The following COL25A1 variants were observed in gnomAD, a reference collection of about 807,000 sequenced individuals.
COL25A1 encodes collagen type XXV alpha 1 chain, also known as collagen alpha-1(XXV) chain.
A neutral mutation model predicts 128.4 loss-of-function variants in COL25A1; 103 were observed. That is an observed-to-expected ratio of 0.80 (90% CI 0.68 to 0.94). COL25A1 has a LOEUF of 0.94. Among genes scored for constraint, COL25A1 ranks in the 40% least tolerant of loss-of-function variants. COL25A1 has a pLI of 0.00. For synonymous variants in COL25A1, 279 were observed against 277.2 expected (o/e 1.01, Z -0.06); for missense variants, 745 against 840.0 (o/e 0.89, Z 1.40).
chr4:109,015,991 G>A (rs1463191378), intron 5 of COL25A1, among the ~76,000 whole-genome samples: 1 of 152,196 alleles, frequency 6.6e-6, no homozygotes, highest in Non-Finnish European at 1.5e-5. Context: ...GACAGGAAGA[G>A]GCAGGATCCC....
At chr4:108,970,322 A>T (rs972108743) in intron 8 of COL25A1, among the ~76,000 whole-genome samples, 5 of 152,194 alleles carry the variant, frequency 3.3e-5, no homozygotes, top group Non-Finnish European at 7.3e-5. Context: ...GACATTCAAA[A>T]TGCTCCATAA....
At chr4:108,848,426 T>A (rs1735361933) in intron 27 of COL25A1, among the ~76,000 whole-genome samples, 1 of 152,200 alleles carries the variant, frequency 6.6e-6, no homozygotes, top group Non-Finnish European at 1.5e-5. Flanking sequence ...TGGTCACTGA[T>A]TTTAATCTTG....
At position 109,079,535 on chromosome 4, in the gene COL25A1, T is replaced by C. The variant is rs185983365; in HGVS notation, c.368-29356A>G. Among the ~76,000 whole-genome samples the C allele has an allele frequency of 1.9e-4, 29 of 152,272 alleles. No homozygotes were observed. The East Asian group carries it at 5.0e-3, about 26-fold the overall frequency. The stretch of plus-strand genomic sequence containing the variant: ...CCTTATCCAGGTGAGGATTTCAGTA[T>C]GTACACAGAGATATACAAACACCTA... On this transcript the variant is annotated intron_variant, in intron 3 of 37. Transcript: ENST00000399132.
intron 3 of COL25A1, among the ~76,000 whole-genome samples, chr4:109,125,348 C>T (rs908163441): frequency 6.6e-6 from 1 of 152,068 alleles, no homozygotes; most frequent in Non-Finnish European, 1.5e-5. Flanking sequence ...GGGCAAATAG[C>T]CTTCTCAGGA....
chr4:108,832,973 T>TAATAAATAAATAAATAAATACATA (rs1553944787), intron 31 of COL25A1, among the ~76,000 whole-genome samples: 95 of 106,162 alleles, frequency 8.9e-4, no homozygotes, highest in African/African-American at 2.5e-3. Flanking sequence ...TCTCAAAAAA[T>TAATAAATAAATAAATAAATACATA]AATAAATAAA....
intron 3 of COL25A1, among the ~76,000 whole-genome samples, chr4:109,220,782 T>C (rs1183645905): frequency 2.0e-5 from 3 of 152,180 alleles, no homozygotes; most frequent in Non-Finnish European, 2.9e-5. Context: ...TTCTTTTTAG[T>C]ACTCAAACAT....
intron 3 of COL25A1, among the ~76,000 whole-genome samples, chr4:109,300,105 A>G (rs1725359881): frequency 6.6e-6 from 1 of 151,930 alleles, no homozygotes; most frequent in Non-Finnish European, 1.5e-5. Flanking sequence ...AATCTTTTTA[A>G]TAGAACAGAA....
chr4:108,892,827 G>GGCT (rs1172410691), intron 16 of COL25A1, among the ~76,000 whole-genome samples: 4 of 152,154 alleles, frequency 2.6e-5, no homozygotes, highest in Non-Finnish European at 5.9e-5. Context: ...GGAGACTGAA[G>GGCT]GCTGCTCCAG....
At chr4:109,092,717 GAC>G (rs1311174480) in intron 3 of COL25A1, among the ~76,000 whole-genome samples, 1 of 152,134 alleles carries the variant, frequency 6.6e-6, no homozygotes. Flanking sequence ...GAAGGCAAGT[GAC>G]AATGTCTACA....
intron 6 of COL25A1, among the ~76,000 whole-genome samples, chr4:109,006,561 A>G (rs1488224074): frequency 6.6e-6 from 1 of 151,700 alleles, no homozygotes; most frequent in African/African-American, 2.4e-5. Flanking sequence ...TTTTAAATGC[A>G]TATTACTTAT....
chr4:108,966,647 C>T (rs1289206417), intron 8 of COL25A1, among the ~76,000 whole-genome samples: 2 of 151,890 alleles, frequency 1.3e-5, no homozygotes, highest in Non-Finnish European at 2.9e-5. Flanking sequence ...TCCAGGAGTT[C>T]GAGGCCAGCC....
At chr4:109,008,755 GCA>G (rs755296346) in intron 6 of COL25A1, among the ~76,000 whole-genome samples, 22 of 40,842 alleles carry the variant, frequency 5.4e-4, no homozygotes, top group East Asian at 2.1e-3. Context: ...ACATGCGCGC[GCA>G]CACACACACA....
chr4:109,083,747 G>A (rs1432280924), intron 3 of COL25A1, among the ~76,000 whole-genome samples: 1 of 152,006 alleles, frequency 6.6e-6, no homozygotes, highest in Non-Finnish European at 1.5e-5. Context: ...TTACAGGCGT[G>A]AGCCACCGCG....
At chr4:108,832,017 T>A (rs1480252748) in intron 32 of COL25A1, among the ~76,000 whole-genome samples, 1 of 151,378 alleles carries the variant, frequency 6.6e-6, no homozygotes, top group South Asian at 2.1e-4. Context: ...AGTAGCTTTA[T>A]ATAAAAGATT....
chr4:109,076,616 G>C (rs1262276850), intron 3 of COL25A1, among the ~76,000 whole-genome samples: 1 of 152,008 alleles, frequency 6.6e-6, no homozygotes, highest in Non-Finnish European at 1.5e-5. Context: ...GGGTGGTTTG[G>C]GGATGATTCA....
chr4:109,177,814 TA>T (rs897946966), intron 3 of COL25A1, among the ~76,000 whole-genome samples: 1 of 152,222 alleles, frequency 6.6e-6, no homozygotes, highest in African/African-American at 2.4e-5. Flanking sequence ...TAGCTCCAGT[TA>T]AATTTGCGTT....
chr4:109,058,486 G>A (rs958772530), intron 3 of COL25A1, among the ~76,000 whole-genome samples: 23 of 151,932 alleles, frequency 1.5e-4, no homozygotes, highest in Non-Finnish European at 3.1e-4. Context: ...GTTTCTAATG[G>A]AACTGAGAGT....
chr4:109,143,487 T>C (rs990370978), intron 3 of COL25A1, among the ~76,000 whole-genome samples: 2 of 152,202 alleles, frequency 1.3e-5, no homozygotes, highest in African/African-American at 4.8e-5. Flanking sequence ...CTGGATAATA[T>C]CCTAAAGAGT....
chr4:109,178,968 T>C (rs1207912460), intron 3 of COL25A1, among the ~76,000 whole-genome samples: 1 of 151,872 alleles, frequency 6.6e-6, no homozygotes, highest in East Asian at 1.9e-4. Flanking sequence ...TCAATAGCAC[T>C]GTAGAATATT....
Sources: gnomAD v4.1 joint callset for allele counts (sites outside exome capture counted in the v4.1 genomes callset) on GRCh38, gnomAD v4.1.1 for gene constraint, MANE v1.5 for transcripts, NCBI Gene and HGNC (gene_info 2026-07-23, HGNC 2026-07-21) for gene names.